Variants in CDH4 observed in about 807,000 individuals in gnomAD.
CDH4 encodes cadherin-4.
CDH4 carries 33 observed loss-of-function variants against 86.0 expected under a neutral mutation model. The observed-to-expected ratio is 0.38, with a 90% CI of 0.29 to 0.51. CDH4 has a LOEUF of 0.51. Ranked by LOEUF, CDH4 falls within the 20% of genes least tolerant of loss-of-function variation. The probability of loss-of-function intolerance (pLI) is 0.86; values close to 1 mark genes in which losing one functional copy is unlikely to be tolerated. For synonymous variants in CDH4, 555 were observed against 549.4 expected, an observed-to-expected ratio of 1.01 and a Z score of -0.14; for missense variants, 1,114 against 1,307.4, an observed-to-expected ratio of 0.85 and a Z score of 2.28.
At chr20:61,524,028 A>C (rs986470234) in intron 2 of CDH4, among the ~76,000 whole-genome samples, 17 of 152,226 alleles carry the variant, frequency 1.1e-4, no homozygotes, top group African/African-American at 4.1e-4. Context: ...TGTGAACTGT[A>C]GGGCTTCCCA....
intron 4 of CDH4, among the ~76,000 whole-genome samples, chr20:61,813,526 T>C (rs1374091114): frequency 1.3e-5 from 2 of 152,140 alleles, no homozygotes; most frequent in African/African-American, 4.8e-5. Context: ...AGGCAGTGGC[T>C]TCAAACCCAG....
Position 61,501,998 on chromosome 20 carries a change from G to A in CDH4, c.170-241565G>A, listed in dbSNP as rs1246523113. On this transcript the variant is annotated intron_variant, in intron 2 of 15. Transcript: ENST00000614565. The surrounding 1 kb of genome is among the most constrained non-coding windows in gnomAD (Gnocchi z 4.2). ...CCCAGGCCGTTACCCTTTAGTGGGC[G>A]CGTGAGGGCTGTGGGTCACAGTTTC... Among the ~76,000 whole-genome samples, 6 of 152,184 alleles carry A rather than the reference G, an allele frequency of 3.9e-5. No individual in the cohort carries two copies. The East Asian group carries it at 7.7e-4, about 20-fold the overall frequency.
intron 2 of CDH4, among the ~76,000 whole-genome samples, chr20:61,324,943 G>A (rs1172496050): frequency 6.6e-6 from 1 of 152,168 alleles, no homozygotes. Context: ...ACCACATCGA[G>A]CCTGTTTCTT....
At chr20:61,488,409 G>T (rs2145585926) in intron 2 of CDH4, among the ~76,000 whole-genome samples, 1 of 152,280 alleles carries the variant, frequency 6.6e-6, no homozygotes, top group Non-Finnish European at 1.5e-5. Flanking sequence ...AGTTCACACG[G>T]GTCCCCTGTG....
At chr20:61,724,167 G>C (rs1160904792) in intron 2 of CDH4, among the ~76,000 whole-genome samples, 1 of 151,808 alleles carries the variant, frequency 6.6e-6, no homozygotes, top group Non-Finnish European at 1.5e-5. Flanking sequence ...CAGGATGGAG[G>C]CTCCATGCGG....
intron 2 of CDH4, among the ~76,000 whole-genome samples, chr20:61,649,818 G>A (rs2087103232): frequency 6.6e-6 from 1 of 152,168 alleles, no homozygotes; most frequent in Non-Finnish European, 1.5e-5. Flanking sequence ...GGACTCACTC[G>A]TTATTTCCTG....
At chr20:61,690,732 T>C (rs2087644047) in intron 2 of CDH4, among the ~76,000 whole-genome samples, 3 of 152,082 alleles carry the variant, frequency 2.0e-5, no homozygotes, top group Admixed American at 2.0e-4. Context: ...AGGGAGAGTG[T>C]CCACCTCTCC....
chr20:61,931,786 T>A (rs1408931150), intron 13 of CDH4, among the ~76,000 whole-genome samples: 1 of 152,110 alleles, frequency 6.6e-6, no homozygotes, highest in Non-Finnish European at 1.5e-5. Context: ...GACACGGACC[T>A]CGGAAGGCAG....
chr20:61,275,265 G>A (rs1175775694), intron 2 of CDH4, among the ~76,000 whole-genome samples: 3 of 144,086 alleles, frequency 2.1e-5, no homozygotes, highest in African/African-American at 2.6e-5. Context: ...GCAGTTTGGG[G>A]GAGCACCATG....
intron 2 of CDH4, among the ~76,000 whole-genome samples, chr20:61,636,923 T>A (rs2086953282): frequency 6.6e-6 from 1 of 152,002 alleles, no homozygotes; most frequent in Admixed American, 6.6e-5. Flanking sequence ...GCCACTCACC[T>A]CCCCTGATGG....
intron 6 of CDH4, among the ~76,000 whole-genome samples, chr20:61,854,005 A>G (rs1030265065): frequency 6.6e-6 from 1 of 152,170 alleles, no homozygotes; most frequent in African/African-American, 2.4e-5. Context: ...ACCATTTAGG[A>G]CGGACTTACA....
rs142496285 is a variant in CDH4, at chr20:61,718,553, C to T, written c.170-25010C>T. 8.0e-3 allele frequency: 2,685 copies of T among 336,124 alleles called. 66 individuals carry two copies. The highest frequency in any genetic ancestry group is 0.033 in the South Asian group (1,342 of 40,828). 20.8% of individuals were successfully genotyped at this position (336,124 alleles called of 1,614,324 possible). On this transcript the variant is annotated intron_variant, in intron 2 of 15. Coordinates refer to ENST00000614565, the MANE Select transcript of CDH4 (RefSeq NM_001794.5). ...TTCCCTTCCTGGAACAGGCCAACCTCGATCACAGCCAAGCACCACCTGCAC... is the reference window on the plus strand; with the variant it reads ...TTCCCTTCCTGGAACAGGCCAACCTTGATCACAGCCAAGCACCACCTGCAC...
chr20:61,771,399 G>A (rs991176478), intron 3 of CDH4, among the ~76,000 whole-genome samples: 2 of 151,856 alleles, frequency 1.3e-5, no homozygotes, highest in South Asian at 2.1e-4. Context: ...CAACACGGGC[G>A]GATTACCGGA....
chr20:61,856,150 C>A (rs373172095), intron 6 of CDH4, among the ~76,000 whole-genome samples: 1 of 152,202 alleles, frequency 6.6e-6, no homozygotes, highest in African/African-American at 2.4e-5. Context: ...TACACAGTGC[C>A]TTTGTGGGAT....
chr20:61,590,365 TG>T (rs1190214863), intron 2 of CDH4, among the ~76,000 whole-genome samples: 1 of 151,850 alleles, frequency 6.6e-6, no homozygotes, highest in East Asian at 1.9e-4. Context: ...GCCCAGTGGG[TG>T]GGGGCAGCCC....
At chr20:61,508,388 C>T (rs549603999) in intron 2 of CDH4, among the ~76,000 whole-genome samples, 20 of 152,356 alleles carry the variant, frequency 1.3e-4, no homozygotes, top group African/African-American at 2.2e-4. Flanking sequence ...TTCAGCCACA[C>T]GGGTGCCCCC....
chr20:61,615,090 C>G (rs1264480442), intron 2 of CDH4, among the ~76,000 whole-genome samples: 2 of 150,794 alleles, frequency 1.3e-5, no homozygotes, highest in African/African-American at 4.9e-5. Context: ...GAAATGTGTT[C>G]ATACATTTTG....
chr20:61,271,219 A>G (rs534537164), intron 2 of CDH4, among the ~76,000 whole-genome samples: 41 of 152,260 alleles, frequency 2.7e-4, no homozygotes, highest in African/African-American at 8.9e-4. Context: ...CTCTACCCCC[A>G]TGGCCCCATC....
chr20:61,553,614 T>C (rs2086152154), intron 2 of CDH4, among the ~76,000 whole-genome samples: 1 of 152,204 alleles, frequency 6.6e-6, no homozygotes, highest in Non-Finnish European at 1.5e-5. Flanking sequence ...GCTTTATAGA[T>C]GTAGTGTGGT....
Sources: gnomAD v4.1 joint callset for allele counts (sites outside exome capture counted in the v4.1 genomes callset) on GRCh38, gnomAD v4.1.1 for gene constraint, Gnocchi (gnomAD v3.1) non-coding constraint, MANE v1.5 for transcripts, NCBI Gene and HGNC (gene_info 2026-07-23, HGNC 2026-07-21) for gene names.